ENTREP1: variants seen among roughly 807,000 people sequenced by gnomAD.
ENTREP1 encodes Friedreich ataxia region gene X123.
chr9:69,388,173 G>A, the ENTREP1 span: 1 of 1,614,174 alleles, frequency 6.2e-7, no homozygotes, highest in South Asian at 1.1e-5. Flanking sequence ...CCAGTGCTCA[G>A]CTGTGAAGCT....
the ENTREP1 span, chr9:69,383,867 T>A: frequency 2.5e-6 from 4 of 1,577,660 alleles, no homozygotes; most frequent in Non-Finnish European, 3.5e-6. Context: ...GCCCCACACA[T>A]CTTTTTAAGG....
chr9:69,370,045 T>G, the ENTREP1 span, among the ~76,000 whole-genome samples: 1 of 152,048 alleles, frequency 6.6e-6, no homozygotes, highest in East Asian at 1.9e-4. Flanking sequence ...GTGGGCTGGC[T>G]TTAAGATTTT....
At chr9:69,387,946 G>A in the ENTREP1 span, 14 of 1,515,510 alleles carry the variant, frequency 9.2e-6, no homozygotes, top group Middle Eastern at 1.7e-4. Context: ...ACACAATGAC[G>A]TGTTTCGGGC....
the ENTREP1 span, chr9:69,325,281 C>G: frequency 3.3e-5 from 1 of 30,698 alleles, no homozygotes; most frequent in Non-Finnish European, 3.8e-5. Flanking sequence ...CAGCCGGCCG[C>G]ACCCGGCCGC....
At chr9:69,325,419 C>T in the ENTREP1 span, 3 of 998,038 alleles carry the variant, frequency 3.0e-6, no homozygotes, top group South Asian at 4.5e-5. Flanking sequence ...CAGGAGCCGC[C>T]GCTGCCCCCG....
the ENTREP1 span, among the ~76,000 whole-genome samples, chr9:69,376,507 A>C: frequency 1.3e-5 from 2 of 152,250 alleles, no homozygotes; most frequent in Non-Finnish European, 2.9e-5. Flanking sequence ...AAGGAACATT[A>C]GCTCAGTGAG....
chr9:69,351,098 A>G, the ENTREP1 span, among the ~76,000 whole-genome samples: 3 of 152,224 alleles, frequency 2.0e-5, no homozygotes, highest in South Asian at 6.2e-4. Context: ...CATGAACTGT[A>G]ACTTCTGAAG....
chr9:69,345,853 C>G, the ENTREP1 span, among the ~76,000 whole-genome samples: 2 of 152,224 alleles, frequency 1.3e-5, no homozygotes, highest in South Asian at 4.1e-4. Flanking sequence ...ACTTGCCCAT[C>G]TCAGTCTCCC....
chr9:69,378,392 G>A, the ENTREP1 span, among the ~76,000 whole-genome samples: 2 of 152,072 alleles, frequency 1.3e-5, no homozygotes, highest in Non-Finnish European at 2.9e-5. Context: ...TAAATATCAA[G>A]GATTTTTATT....
the ENTREP1 span, among the ~76,000 whole-genome samples, chr9:69,348,199 C>T: frequency 6.6e-6 from 1 of 152,166 alleles, no homozygotes; most frequent in Admixed American, 6.5e-5. Context: ...ACTGCAGCCT[C>T]GACCTCCTGG....
chr9:69,383,749 A>G, the ENTREP1 span: 3 of 1,614,050 alleles, frequency 1.9e-6, no homozygotes, highest in Non-Finnish European at 2.5e-6. Flanking sequence ...AGCCAGATGG[A>G]CCAGGAGCAG....
chr9:69,327,947 G>A, the ENTREP1 span, among the ~76,000 whole-genome samples: 6 of 152,062 alleles, frequency 3.9e-5, no homozygotes, highest in Admixed American at 2.0e-4. Context: ...AAATTTAAGA[G>A]GATGGCTTTA....
the ENTREP1 span, among the ~76,000 whole-genome samples, chr9:69,335,221 T>C: frequency 6.6e-6 from 1 of 152,184 alleles, no homozygotes; most frequent in Non-Finnish European, 1.5e-5. Context: ...ACTAGGACTT[T>C]AGAGAGACAA....
the ENTREP1 span, chr9:69,380,095 A>C: frequency 1.3e-5 from 2 of 152,258 alleles, no homozygotes; most frequent in Non-Finnish European, 2.9e-5. Flanking sequence ...TTAAAGCAAA[A>C]CAGTCTTGTG....
chr9:69,340,832 A>G, the ENTREP1 span, among the ~76,000 whole-genome samples: 1 of 141,682 alleles, frequency 7.1e-6, no homozygotes, highest in Non-Finnish European at 1.5e-5. Flanking sequence ...TGTGTGTAGT[A>G]TTCTAGGTTG....
the ENTREP1 span, chr9:69,385,856 C>G: frequency 6.2e-7 from 1 of 1,610,396 alleles, no homozygotes; most frequent in African/African-American, 1.4e-5. Flanking sequence ...CCAGTTCAAC[C>G]CTGGTGCGTC....
chr9:69,377,748 T>G, the ENTREP1 span: 1 of 1,609,008 alleles, frequency 6.2e-7, no homozygotes, highest in Admixed American at 1.7e-5. Flanking sequence ...ACCGCAGGTA[T>G]CGTTCCTGAG....
At chr9:69,373,896 A>C in the ENTREP1 span, among the ~76,000 whole-genome samples, 14 of 152,208 alleles carry the variant, frequency 9.2e-5, no homozygotes, top group Non-Finnish European at 1.6e-4. Flanking sequence ...TCATTTTGAC[A>C]AATGTATACA....
chr9:69,325,012 C>T, the ENTREP1 span: 8 of 985,384 alleles, frequency 8.1e-6, no homozygotes, highest in African/African-American at 1.2e-4. Context: ...GACCCTGAGG[C>T]TGTGGCGCAC....
Sources: gnomAD v4.1 joint callset for allele counts (sites outside exome capture counted in the v4.1 genomes callset) on GRCh38, gnomAD v4.1.1 for gene constraint, MANE v1.5 for transcripts, NCBI Gene and HGNC (gene_info 2026-07-23, HGNC 2026-07-21) for gene names.